Variants in COL14A1 observed in about 807,000 individuals in gnomAD.
COL14A1 encodes collagen type XIV alpha 1 chain.
In COL14A1, 136 loss-of-function variants were observed where a neutral mutation model predicts 230.3. The ratio of observed to expected loss-of-function variants is 0.59; its 90% CI spans 0.51 to 0.68. COL14A1 has a LOEUF of 0.68. Ranked by LOEUF, COL14A1 falls within the 30% of genes least tolerant of loss-of-function variation. The pLI, the probability that COL14A1 is intolerant of heterozygous loss-of-function variation, is 0.00. For synonymous variants in COL14A1, 792 were observed against 784.1 expected (o/e 1.01, Z -0.17); for missense variants, 1,976 against 2,215.8 (o/e 0.89, Z 2.17).
Position 120,158,124 on chromosome 8 carries a change from T to C in COL14A1, c.89-6T>C. 1.4e-6 allele frequency: 2 copies of C among 1,475,638 alleles called. No homozygotes were observed. Among genetic ancestry groups the C allele is most frequent in the Non-Finnish European group, 1.9e-6 (2 of 1,072,922 alleles). The allele number at this position is 1,475,638 out of a possible 1,614,324, so 91.4% of individuals were successfully genotyped here. ...TGTTTACATCATTTTTGTTCTTCCT[T>C]TTCAGTGGCTCCACCCACAAGGTTA... On this transcript the variant is annotated splice_region_variant and splice_polypyrimidine_tract_variant and intron_variant, in intron 2 of 47. Coordinates refer to ENST00000297848, the MANE Select transcript of COL14A1 (RefSeq NM_021110.4).
At chr8:120,270,764 A>G (rs2129823747) in intron 26 of COL14A1, among the ~76,000 whole-genome samples, 1 of 151,914 alleles carries the variant, frequency 6.6e-6, no homozygotes, top group South Asian at 2.1e-4. Context: ...GAACACTTAC[A>G]CATCGTTGGC....
chr8:120,130,611 A>C (rs1034031616), intron 1 of COL14A1, among the ~76,000 whole-genome samples: 51 of 152,370 alleles, frequency 3.3e-4, no homozygotes, highest in African/African-American at 1.1e-3. Flanking sequence ...ACAAGGAAAG[A>C]AATGTAAAAT....
At chr8:120,213,946 T>C (rs189864146) in intron 13 of COL14A1, 1 of 428,606 alleles carries the variant, frequency 2.3e-6, no homozygotes, top group Non-Finnish European at 4.6e-6. Context: ...ACCTTAATTA[T>C]TAAGAGATTC....
chr8:120,200,768 A>ATTTTT (rs1817225187), intron 8 of COL14A1, among the ~76,000 whole-genome samples: 1 of 77,986 alleles, frequency 1.3e-5, no homozygotes, highest in Non-Finnish European at 2.8e-5. Context: ...TATATATATT[A>ATTTTT]TTTTTCATCA....
In COL14A1 at chr8:120,168,081, A is replaced by C. The variant is rs541272256; in HGVS notation, c.350-80A>C. Reference sequence around the variant, plus strand: ...TTCTATAGATACTTTTAGGGCTTTCAAGGGTTTTAGTAAAACTCACTGAAT... The same window carrying C: ...TTCTATAGATACTTTTAGGGCTTTCCAGGGTTTTAGTAAAACTCACTGAAT... On this transcript the variant is annotated intron_variant, in intron 4 of 47. Transcript: ENST00000297848. 3 of 965,732 alleles carry C rather than the reference A, an allele frequency of 3.1e-6. No homozygotes were observed. The South Asian group carries it at 5.1e-5, about 16-fold the overall frequency. The allele number at this position is 965,732 out of a possible 1,614,324, so 59.8% of individuals were successfully genotyped here.
At position 120,373,343 on chromosome 8, in the gene COL14A1, G is replaced by A. The variant is rs964699375; in HGVS notation, c.*2112G>A. Among the ~76,000 whole-genome samples, 22 of 152,264 alleles carry A rather than the reference G, an allele frequency of 1.4e-4. No individual in the cohort carries two copies. The highest frequency in any genetic ancestry group is 5.1e-4 in the African/African-American group (21 of 41,564). On this transcript the variant is annotated 3_prime_UTR_variant, in exon 48 of 48. Coordinates refer to ENST00000297848, the MANE Select transcript of COL14A1 (RefSeq NM_021110.4). ...CAAGAAAGTTACATTAATTTGGAAT[G>A]TGTCATCACTTGGACCCAGTATATC...
rs1243702083 is a variant in COL14A1 at position 120,147,912 on chromosome 8, A to G, written c.70A>G (p.Thr24Ala). 2 of 1,613,688 alleles carry G rather than the reference A, an allele frequency of 1.2e-6. No homozygotes were observed. Among genetic ancestry groups the G allele is most frequent in the East Asian group, 2.2e-5 (1 of 44,844 alleles). The stretch of plus-strand genomic sequence containing the variant: ...TTTTTTGGCAATTGTTTATTTCTGC[A>G]CCATTGTCCAAGGTCAAGGTAATTG... ...PPFLAIVYFC[T>A]IVQGQVAPPT... The change falls in exon 2 of 48, where the codon ACC becomes GCC. Residue 24 changes from threonine (T) to alanine (A), a missense_variant. Thr to Ala is a moderately conservative substitution (Grantham distance 58). Around this residue, in one of 3 missense-constraint regions of COL14A1, gnomAD observed 181 missense variants for 178.6 expected, o/e 1.01. Coordinates refer to ENST00000297848, the MANE Select transcript of COL14A1 (RefSeq NM_021110.4).
At chr8:120,355,721 T>C (rs763170437) in intron 45 of COL14A1, among the ~76,000 whole-genome samples, 93 of 152,254 alleles carry the variant, frequency 6.1e-4, no homozygotes, top group Non-Finnish European at 1.1e-3. Context: ...GCACCCAGCC[T>C]GATTTCAGTC....
intron 19 of COL14A1, among the ~76,000 whole-genome samples, chr8:120,240,328 G>A (rs1468092199): frequency 1.3e-5 from 2 of 152,008 alleles, no homozygotes; most frequent in Non-Finnish European, 2.9e-5. Flanking sequence ...CTCACCTGAG[G>A]GTTCTTTGAA....
At chr8:120,175,723 A>G (rs923181448) in intron 5 of COL14A1, among the ~76,000 whole-genome samples, 6 of 152,206 alleles carry the variant, frequency 3.9e-5, no homozygotes, top group South Asian at 2.1e-4. Flanking sequence ...CAAAGACTAA[A>G]ATATTTTCTG....
rs189914750 is a variant in COL14A1, at chr8:120,364,218, T to G, written c.5078-2953T>G. ...AGATCTACGATGGGCCATGACTGGG[T>G]TTTGTCTATAAAAAAATGACTTTAT... On this transcript the variant is annotated intron_variant, in intron 45 of 47. Coordinates refer to ENST00000297848, the MANE Select transcript of COL14A1 (RefSeq NM_021110.4). Among the ~76,000 whole-genome samples, 1,052 of 152,218 alleles carry G rather than the reference T, an allele frequency of 6.9e-3. 12 individuals are homozygous for G. Among genetic ancestry groups the G allele is most frequent in the Middle Eastern group, 0.014 (4 of 294 alleles).
chr8:120,226,235 A>G (rs997438774), intron 15 of COL14A1, among the ~76,000 whole-genome samples: 2 of 152,116 alleles, frequency 1.3e-5, no homozygotes, highest in Non-Finnish European at 2.9e-5. Context: ...ACTAAAGCAA[A>G]TAGAACTAAA....
intron 23 of COL14A1, among the ~76,000 whole-genome samples, chr8:120,256,560 T>C (rs1273839032): frequency 1.3e-5 from 2 of 152,164 alleles, no homozygotes; most frequent in Non-Finnish European, 2.9e-5. Context: ...AGCCTGACAT[T>C]GGCTTGACAT....
chr8:120,264,084 A>G (rs575405711), intron 24 of COL14A1, among the ~76,000 whole-genome samples: 1 of 152,270 alleles, frequency 6.6e-6, no homozygotes, highest in Non-Finnish European at 1.5e-5. Flanking sequence ...GGACGTTTCC[A>G]TCAACCCAAA....
chr8:120,174,599 C>T (rs959268087), intron 5 of COL14A1, among the ~76,000 whole-genome samples: 12 of 152,090 alleles, frequency 7.9e-5, no homozygotes, highest in East Asian at 1.9e-4. Flanking sequence ...CATATGTTTA[C>T]GGAGGAGTTC....
In COL14A1 at chr8:120,371,301, A is replaced by T. The variant is rs1180949378; in HGVS notation, c.*70A>T. 4.5e-6 allele frequency: 6 copies of T among 1,326,874 alleles called. No homozygotes were observed. Among genetic ancestry groups the T allele is most frequent in the Admixed American group, 3.7e-5 (2 of 54,240 alleles). 82.2% of individuals were successfully genotyped at this position (1,326,874 alleles called of 1,614,324 possible). A position where few individuals can be genotyped will look rare whatever the true frequency, so the allele number is the denominator to read the frequency against. On this transcript the variant is annotated 3_prime_UTR_variant, in exon 48 of 48. Coordinates refer to ENST00000297848, the MANE Select transcript of COL14A1 (RefSeq NM_021110.4). ...GAATCTTGTTTGAGAAAATGTTGTT[A>T]TGTGGTTTGTATGCTACTTTTGGGG...
intron 22 of COL14A1, among the ~76,000 whole-genome samples, chr8:120,252,506 A>G (rs1422140920): frequency 1.3e-5 from 2 of 152,078 alleles, no homozygotes; most frequent in Admixed American, 1.3e-4. Context: ...CACATGCCCC[A>G]CTCTTGAGAT....
intron 35 of COL14A1, among the ~76,000 whole-genome samples, chr8:120,298,363 T>C (rs1040495783): frequency 1.3e-5 from 2 of 151,568 alleles, no homozygotes; most frequent in Non-Finnish European, 2.9e-5. Context: ...GGCATCTTGG[T>C]GTACAATTTT....
At chr8:120,141,084 G>C (rs1814892271) in intron 1 of COL14A1, among the ~76,000 whole-genome samples, 1 of 152,142 alleles carries the variant, frequency 6.6e-6, no homozygotes, top group African/African-American at 2.4e-5. Context: ...TGACATTTTG[G>C]TAAATGTTAA....
Sources: allele counts gnomAD v4.1 joint callset (sites outside exome capture counted in the v4.1 genomes callset), GRCh38; gene constraint gnomAD v4.1.1; regional missense constraint gnomAD v4.1.1; transcripts MANE v1.5; gene names NCBI Gene and HGNC (gene_info 2026-07-23, HGNC 2026-07-21).